Variants in JAM2 observed in about 807,000 individuals in gnomAD.
JAM2 encodes the protein junctional adhesion molecule 2.
Under a neutral mutation model 42.0 loss-of-function variants are expected in JAM2, and 17 were observed. That is an observed-to-expected ratio of 0.40 (90% CI 0.28 to 0.61). JAM2 has a LOEUF of 0.61. Ranked by LOEUF, JAM2 falls within the 20% of genes least tolerant of loss-of-function variation. The pLI is 0.37. For missense variants in JAM2, 319 were observed against 358.3 expected (o/e 0.89, Z 0.89); for synonymous variants, 118 against 128.6 (o/e 0.92, Z 0.56).
At position 25,663,092 on chromosome 21, in the gene JAM2, G is replaced by A. The variant is rs1161597579; in HGVS notation, c.68-20791G>A. On this transcript the variant is annotated intron_variant, in intron 1 of 9. Coordinates refer to ENST00000480456, the MANE Select transcript of JAM2 (RefSeq NM_021219.4). ...TAGAAGTTCATCATTCGGCAGGGGA[G>A]TGTTGGAGAGAGGGGATTCCAGGCA... 4.6e-5 allele frequency among the ~76,000 whole-genome samples: 7 copies of A among 152,356 alleles called. No individual in the cohort carries two copies. The East Asian group carries it at 1.3e-3, about 29-fold the overall frequency.
intron 1 of JAM2, among the ~76,000 whole-genome samples, chr21:25,666,030 A>G (rs915724107): frequency 6.6e-6 from 1 of 152,074 alleles, no homozygotes; most frequent in African/African-American, 2.4e-5. Context: ...ATAGAGTGAG[A>G]CACCATCTCA....
In JAM2 at chr21:25,639,884, G is replaced by A. The variant is rs1186413632; in HGVS notation, c.63G>A (p.Leu21=). The A allele has an allele frequency of 6.3e-7, 1 of 1,589,538 alleles. No individual in the cohort carries two copies. The highest frequency in any genetic ancestry group is 1.2e-5 in the South Asian group (1 of 86,926). ...LLLLRYLVVA[L]GYHKAYGFSA... ...TGCTGCGCTACCTGGTGGTCGCCCTGGGCTGTAAGTTGCTCGGGTTCCTCT... is the reference window on the plus strand; with the variant it reads ...TGCTGCGCTACCTGGTGGTCGCCCTAGGCTGTAAGTTGCTCGGGTTCCTCT... The change falls in exon 1 of 10, where the codon CTG becomes CTA. Residue 21 remains leucine (L), a synonymous_variant. Transcript: ENST00000480456.
At position 25,677,410 on chromosome 21, in the gene JAM2, T is replaced by TAACA. The variant is rs559013006; in HGVS notation, c.68-6472_68-6469dup. On this transcript the variant is annotated intron_variant, in intron 1 of 9. Coordinates refer to ENST00000480456, the MANE Select transcript of JAM2 (RefSeq NM_021219.4). ...AGGGAATTAACAAAATTCCTGAAGCTAACAGCTGTTATTTTTCACAGAAAT... is the reference window on the plus strand; with the variant it reads ...AGGGAATTAACAAAATTCCTGAAGCTAACAAACAGCTGTTATTTTTCACAGAAAT... Among the ~76,000 whole-genome samples the TAACA allele has an allele frequency of 2.2e-4, 33 of 152,338 alleles. 1 individual carries two copies. Among genetic ancestry groups the TAACA allele is most frequent in the African/African-American group, 7.9e-4 (33 of 41,590 alleles).
chr21:25,711,301 G>C (rs561442375), intron 8 of JAM2: 35 of 371,214 alleles, frequency 9.4e-5, no homozygotes, highest in Admixed American at 2.2e-4. Context: ...TGAAATATGG[G>C]TGAGCTCCCC....
intron 3 of JAM2, among the ~76,000 whole-genome samples, chr21:25,690,271 CTTCT>C (rs781060826): frequency 9.9e-5 from 15 of 151,706 alleles, no homozygotes; most frequent in African/African-American, 9.7e-5. Flanking sequence ...CTTCCTTTCT[CTTCT>C]TTCTTTCTTT....
At chr21:25,708,411 A>ATT (rs1568920215) in intron 7 of JAM2, among the ~76,000 whole-genome samples, 15 of 152,078 alleles carry the variant, frequency 9.9e-5, no homozygotes, top group African/African-American at 2.7e-4. Context: ...TTTACAAAAA[A>ATT]TAAAAAATAA....
intron 1 of JAM2, among the ~76,000 whole-genome samples, chr21:25,656,536 A>C (rs2123325553): frequency 6.6e-6 from 1 of 152,354 alleles, no homozygotes; most frequent in East Asian, 1.9e-4. Flanking sequence ...AAAGAATGGA[A>C]GAAGTAGAGG....
At chr21:25,696,018 T>C (rs1458253423) in intron 4 of JAM2, among the ~76,000 whole-genome samples, 1 of 151,978 alleles carries the variant, frequency 6.6e-6, no homozygotes, top group East Asian at 1.9e-4. Context: ...TCTCGGCACT[T>C]TGGGAGGCCA....
chr21:25,697,293 C>A (rs1037923234), intron 4 of JAM2, among the ~76,000 whole-genome samples: 1 of 152,024 alleles, frequency 6.6e-6, no homozygotes, highest in Non-Finnish European at 1.5e-5. Flanking sequence ...AGTTACATTT[C>A]CAAAATCTTT....
In JAM2 at chr21:25,693,793, T is replaced by C; in HGVS notation, c.279T>C (p.Asn93=). The C allele has an allele frequency of 1.2e-6, 2 of 1,614,132 alleles. No individual in the cohort carries two copies. The highest frequency in any genetic ancestry group is 1.1e-5 in the South Asian group (1 of 91,082). ...FKNRAEMIDF[N]IRIKNVTRSD... ...ATCGAGCTGAGATGATAGATTTCAA[T>C]ATCCGGATCAAAAATGTGACAAGAA... The change falls in exon 4 of 10, where the codon AAT becomes AAC. Residue 93 remains asparagine, a synonymous_variant. Coordinates refer to ENST00000480456, the MANE Select transcript of JAM2 (RefSeq NM_021219.4).
chr21:25,693,122 G>T (rs1208187508), intron 3 of JAM2, among the ~76,000 whole-genome samples: 1 of 152,110 alleles, frequency 6.6e-6, no homozygotes, highest in Admixed American at 6.5e-5. Flanking sequence ...TACACATAAA[G>T]ATTTCAAAAT....
chr21:25,650,579 A>G (rs1219316395), intron 1 of JAM2, among the ~76,000 whole-genome samples: 2 of 152,222 alleles, frequency 1.3e-5, no homozygotes, highest in Non-Finnish European at 2.9e-5. Context: ...TTCTTAAAAG[A>G]GGATATGTCC....
At chr21:25,643,629 T>C (rs2032512908) in intron 1 of JAM2, 1 of 152,226 alleles carries the variant, frequency 6.6e-6, no homozygotes, top group Non-Finnish European at 1.5e-5. Context: ...AGAGAAGTGG[T>C]TCCGTGCTGG....
At chr21:25,690,335 C>T (rs1195843284) in intron 3 of JAM2, among the ~76,000 whole-genome samples, 2 of 150,272 alleles carry the variant, frequency 1.3e-5, no homozygotes, top group Non-Finnish European at 3.0e-5. Flanking sequence ...CCCTTTCTTG[C>T]CTTTCTTTCT....
At chr21:25,671,055 A>C (rs1179404423) in intron 1 of JAM2, among the ~76,000 whole-genome samples, 1 of 152,238 alleles carries the variant, frequency 6.6e-6, no homozygotes, top group Admixed American at 6.5e-5. Context: ...AAGTTGAAAA[A>C]TAAAATTCAC....
chr21:25,639,972 G>A, intron 1 of JAM2, 84 bp downstream of exon 1: 1 of 1,018,418 alleles, frequency 9.8e-7, no homozygotes, highest in Non-Finnish European at 1.4e-6. Flanking sequence ...CTGGCTGACA[G>A]TGTCTGGGCG....
chr21:25,665,283 C>T (rs944594038), intron 1 of JAM2, among the ~76,000 whole-genome samples: 1 of 152,160 alleles, frequency 6.6e-6, no homozygotes, highest in Non-Finnish European at 1.5e-5. Context: ...AAGGCAAGTG[C>T]TTGATTATGT....
At chr21:25,694,840 A>AC (rs1169246404) in intron 4 of JAM2, among the ~76,000 whole-genome samples, 1 of 147,758 alleles carries the variant, frequency 6.8e-6, no homozygotes, top group Non-Finnish European at 1.5e-5. Flanking sequence ...TTTCTCAAAA[A>AC]AAAAAAAAAT....
At chr21:25,695,877 G>A (rs1301940731) in intron 4 of JAM2, among the ~76,000 whole-genome samples, 3 of 151,646 alleles carry the variant, frequency 2.0e-5, no homozygotes, top group Admixed American at 6.6e-5. Flanking sequence ...ATGGGCGGCC[G>A]GGAAGAGGCG....
Sources: allele counts gnomAD v4.1 joint callset (sites outside exome capture counted in the v4.1 genomes callset), GRCh38; gene constraint gnomAD v4.1.1; transcripts MANE v1.5; gene names NCBI Gene and HGNC (gene_info 2026-07-23, HGNC 2026-07-21).